PHACTR1: variants seen among roughly 807,000 people sequenced by gnomAD.
The protein encoded by PHACTR1 is phosphatase and actin regulator 1.
PHACTR1 carries 16 observed loss-of-function variants against 69.2 expected under a neutral mutation model. The ratio of observed to expected loss-of-function variants is 0.23; its 90% CI spans 0.16 to 0.35. The LOEUF (loss-of-function observed/expected upper bound fraction) is 0.35. Among genes scored for constraint, PHACTR1 ranks in the 10% least tolerant of loss-of-function variants. The probability of loss-of-function intolerance (pLI) is 1.00; values close to 1 mark genes in which losing one functional copy is unlikely to be tolerated. For missense variants in PHACTR1, 510 were observed against 734.7 expected, an observed-to-expected ratio of 0.69 and a Z score of 3.54; for synonymous variants, 312 against 284.5, an observed-to-expected ratio of 1.10 and a Z score of -0.97.
intron 4 of PHACTR1, among the ~76,000 whole-genome samples, chr6:12,858,002 T>C (rs1780571191): frequency 6.6e-6 from 1 of 152,186 alleles, no homozygotes; most frequent in Non-Finnish European, 1.5e-5. Context: ...GTTCCAGGCA[T>C]TTGAGAGGTA....
In PHACTR1 at chr6:12,960,586, AC is replaced by A. The variant is rs565199405; in HGVS notation, c.251-92775del. On this transcript the variant is annotated intron_variant, in intron 4 of 14. Coordinates refer to ENST00000332995, the MANE Select transcript of PHACTR1 (RefSeq NM_030948.6). ...TGCACTCTACCACTGGGTCACAGCG[AC>A]CCCACACCAGGGAGGGTCCAACAAG... Among the ~76,000 whole-genome samples the A allele has an allele frequency of 3.2e-3, 489 of 152,204 alleles. 2 individuals are homozygous for A. Among genetic ancestry groups the A allele is most frequent in the African/African-American group, 0.011 (460 of 41,510 alleles).
Position 12,737,770 on chromosome 6 carries a change from A to T in PHACTR1, c.104-11874A>T, listed in dbSNP as rs1414701009. Among the ~76,000 whole-genome samples the T allele has an allele frequency of 2.6e-5, 4 of 151,706 alleles. No homozygotes were observed. In the East Asian group the frequency reaches 5.8e-4, roughly 22 times the overall value. ...CCACCAAGCCCAGCTAATTTTTAAA[A>T]TTTTTTATAGAAACAAAGTTTCATT... On this transcript the variant is annotated intron_variant, in intron 3 of 14. Coordinates refer to ENST00000332995, the MANE Select transcript of PHACTR1 (RefSeq NM_030948.6).
At chr6:13,249,377 T>A (rs905301052) in intron 10 of PHACTR1, among the ~76,000 whole-genome samples, 2 of 151,958 alleles carry the variant, frequency 1.3e-5, no homozygotes, top group South Asian at 2.1e-4. Context: ...CAAACCCCCA[T>A]CCATAGAAAA....
At chr6:13,034,309 G>T (rs961408281) in intron 4 of PHACTR1, among the ~76,000 whole-genome samples, 10 of 152,190 alleles carry the variant, frequency 6.6e-5, no homozygotes, top group Admixed American at 5.9e-4. Context: ...GAGCCACCAC[G>T]CCCGGCCAGG....
intron 5 of PHACTR1, among the ~76,000 whole-genome samples, chr6:13,111,649 C>T (rs1278542448): frequency 1.3e-5 from 2 of 152,144 alleles, no homozygotes; most frequent in African/African-American, 4.8e-5. Flanking sequence ...CTCCAACTCT[C>T]TGTGTTCCTT....
At chr6:12,850,882 G>A (rs1382045248) in intron 4 of PHACTR1, among the ~76,000 whole-genome samples, 2 of 152,080 alleles carry the variant, frequency 1.3e-5, no homozygotes, top group African/African-American at 4.8e-5. Context: ...CCACCTTCAT[G>A]ACCTCAACTT....
Position 12,825,176 on chromosome 6 carries a change from G to T in PHACTR1, c.250+75386G>T, listed in dbSNP as rs530197080. 5.5e-4 allele frequency among the ~76,000 whole-genome samples: 84 copies of T among 152,118 alleles called. 1 individual carries two copies. Among genetic ancestry groups the T allele is most frequent in the Non-Finnish European group, 9.4e-4 (64 of 67,996 alleles). On this transcript the variant is annotated intron_variant, in intron 4 of 14. Coordinates refer to ENST00000332995, the MANE Select transcript of PHACTR1 (RefSeq NM_030948.6). ...TTTAATTTAAAAGTTAGCTGAGTGT[G>T]GTGGTGTGCACCTGTAGTCCTAGCT...
At chr6:13,096,047 C>T (rs545322770) in intron 5 of PHACTR1, among the ~76,000 whole-genome samples, 1 of 151,960 alleles carries the variant, frequency 6.6e-6, no homozygotes, top group African/African-American at 2.4e-5. Context: ...CTCCTTTGAG[C>T]TCCCTGTTTT....
At chr6:12,961,271 G>A (rs1462058814) in intron 4 of PHACTR1, among the ~76,000 whole-genome samples, 1 of 152,180 alleles carries the variant, frequency 6.6e-6, no homozygotes, top group African/African-American at 2.4e-5. Context: ...ACAGAATACA[G>A]AAAGATGAGA....
intron 7 of PHACTR1, among the ~76,000 whole-genome samples, chr6:13,192,354 T>C (rs3864310): frequency 0.35 from 53,857 of 151,834 alleles, 10,292 homozygotes; most frequent in East Asian, 0.55. Flanking sequence ...TTAAACAAGA[T>C]GCAAAGGACA....
At chr6:13,152,402 A>G (rs946812285) in intron 5 of PHACTR1, among the ~76,000 whole-genome samples, 2 of 152,202 alleles carry the variant, frequency 1.3e-5, no homozygotes, top group African/African-American at 4.8e-5. Context: ...TTCATATGGA[A>G]AGGGAGACTG....
chr6:12,735,802 T>C (rs1561832485), intron 3 of PHACTR1, among the ~76,000 whole-genome samples: 1 of 152,214 alleles, frequency 6.6e-6, no homozygotes, highest in Non-Finnish European at 1.5e-5. Context: ...CTGTACAAGT[T>C]GTGGACTTGA....
At chr6:12,828,401 T>A (rs1777037819) in intron 4 of PHACTR1, among the ~76,000 whole-genome samples, 1 of 152,106 alleles carries the variant, frequency 6.6e-6, no homozygotes, top group African/African-American at 2.4e-5. Flanking sequence ...TATAGAAGGA[T>A]GTAAAATTAT....
chr6:12,991,093 G>A (rs1796770452), intron 4 of PHACTR1, among the ~76,000 whole-genome samples: 1 of 152,152 alleles, frequency 6.6e-6, no homozygotes, highest in African/African-American at 2.4e-5. Flanking sequence ...GCTTGAGGGT[G>A]GGGCTTTTGC....
chr6:12,973,629 G>A (rs1227865118), intron 4 of PHACTR1, among the ~76,000 whole-genome samples: 1 of 152,130 alleles, frequency 6.6e-6, no homozygotes, highest in East Asian at 1.9e-4. Flanking sequence ...TCAGTGTGTT[G>A]TTTTTTAAAG....
intron 10 of PHACTR1, among the ~76,000 whole-genome samples, chr6:13,231,592 T>C (rs562796556): frequency 2.0e-4 from 30 of 152,354 alleles, no homozygotes; most frequent in African/African-American, 6.7e-4. Context: ...CTCTCTGATA[T>C]ACGGTTAAGT....
intron 5 of PHACTR1, among the ~76,000 whole-genome samples, chr6:13,157,218 G>T (rs974593246): frequency 6.6e-6 from 1 of 151,990 alleles, no homozygotes; most frequent in African/African-American, 2.4e-5. Context: ...CATTTCCCTT[G>T]GCCCCTACCC....
At chr6:12,999,914 A>G (rs1372754891) in intron 4 of PHACTR1, among the ~76,000 whole-genome samples, 2 of 152,238 alleles carry the variant, frequency 1.3e-5, no homozygotes, top group Non-Finnish European at 2.9e-5. Flanking sequence ...TCTAAACCTA[A>G]ATAATGCCCA....
In PHACTR1 at chr6:12,874,843, T is replaced by C. The variant is rs114957684; in HGVS notation, c.250+125053T>C. Among the ~76,000 whole-genome samples the C allele has an allele frequency of 5.0e-3, 756 of 152,320 alleles. 2 individuals carry two copies. Among genetic ancestry groups the C allele is most frequent in the African/African-American group, 0.017 (723 of 41,572 alleles). On this transcript the variant is annotated intron_variant, in intron 4 of 14. Transcript: ENST00000332995. ...AAACGCACCTGAATGACTTAACATA[T>C]GCTTTGCTTATGTCAGCTTGTCATT... is the stretch of plus-strand genomic sequence containing the variant.
Sources: gnomAD v4.1 joint callset for allele counts (sites outside exome capture counted in the v4.1 genomes callset) on GRCh38, gnomAD v4.1.1 for gene constraint, MANE v1.5 for transcripts, NCBI Gene and HGNC (gene_info 2026-07-23, HGNC 2026-07-21) for gene names.